The following ACOT13 variants were observed in gnomAD, a reference collection of about 807,000 sequenced individuals.
ACOT13 encodes the protein acyl-coenzyme A thioesterase 13.
ACOT13 carries 10 observed loss-of-function variants against 11.8 expected under a neutral mutation model. The ratio of observed to expected loss-of-function variants is 0.85; its 90% CI spans 0.53 to 1.44. The LOEUF is 1.44. ACOT13 is among the 40% of genes most tolerant of loss of function. The pLI, the probability that ACOT13 is intolerant of heterozygous loss-of-function variation, is 0.00. For synonymous variants in ACOT13, 53 were observed against 61.0 expected (o/e 0.87, Z 0.61); for missense variants, 172 against 174.1 (o/e 0.99, Z 0.07).
intron 1 of ACOT13, among the ~76,000 whole-genome samples, chr6:24,697,108 T>C (rs1227050915): frequency 1.3e-5 from 2 of 152,234 alleles, no homozygotes; most frequent in African/African-American, 4.8e-5. Flanking sequence ...TTGTTGCATA[T>C]GTTTATCTTT....
chr6:24,672,641 A>G (rs1442620640), intron 1 of ACOT13, among the ~76,000 whole-genome samples: 1 of 152,180 alleles, frequency 6.6e-6, no homozygotes, highest in East Asian at 1.9e-4. Context: ...CTCCATCTCA[A>G]AAAAAGAAAA....
In ACOT13 at chr6:24,705,014, A is replaced by G. The variant is rs1047332817; in HGVS notation, c.*3399A>G. ...TTACTCCAAAGGAGTAGGATCATTC[A>G]GATTTACTCCAATAAAAGTATGCAA... On this transcript the variant is annotated 3_prime_UTR_variant, in exon 3 of 3. Coordinates refer to ENST00000230048, the MANE Select transcript of ACOT13 (RefSeq NM_018473.4). 22 of 151,946 alleles carry G rather than the reference A, an allele frequency of 1.4e-4. No homozygotes were observed. Among genetic ancestry groups the G allele is most frequent in the African/African-American group, 5.3e-4 (22 of 41,270 alleles). The allele number at this position is 151,946 out of a possible 1,614,324, so 9.4% of individuals were successfully genotyped here.
At chr6:24,681,244 A>G (rs1350246324) in intron 1 of ACOT13, among the ~76,000 whole-genome samples, 1 of 152,218 alleles carries the variant, frequency 6.6e-6, no homozygotes, top group Non-Finnish European at 1.5e-5. Context: ...GTTTCCTCTA[A>G]AAGTTACTTT....
At chr6:24,690,221 G>A (rs12207801) in intron 1 of ACOT13, among the ~76,000 whole-genome samples, 5,145 of 152,052 alleles carry the variant, frequency 0.034, 143 homozygotes, top group Middle Eastern at 0.12. Context: ...GGGAACTACC[G>A]TACTAGATTC....
At chr6:24,690,672 A>C (rs1000232698) in intron 1 of ACOT13, among the ~76,000 whole-genome samples, 6 of 152,224 alleles carry the variant, frequency 3.9e-5, no homozygotes, top group South Asian at 4.1e-4. Context: ...CCTTCAGGGA[A>C]TATTTAATTT....
intron 2 of ACOT13, chr6:24,700,807 C>A (rs1778880061): frequency 6.6e-6 from 1 of 152,070 alleles, no homozygotes; most frequent in Non-Finnish European, 1.5e-5. Flanking sequence ...AAATACATAT[C>A]CTTTTTAAAG....
chr6:24,673,912 T>C (rs958337429), intron 1 of ACOT13, among the ~76,000 whole-genome samples: 4 of 152,306 alleles, frequency 2.6e-5, no homozygotes, highest in Non-Finnish European at 5.9e-5. Context: ...CATACAGTAT[T>C]CTTTCTCATG....
chr6:24,667,083 C>A lies in ACOT13; in HGVS notation c.-181C>A, dbSNP rs1309684990. ...CAAGGGTGCGAGGAAAGTCAGTGAG[C>A]AAATCGCGGACCACCGGGGCTGCCA... is the stretch of plus-strand genomic sequence containing the variant. On this transcript the variant is annotated 5_prime_UTR_variant, in exon 1 of 3. Coordinates refer to ENST00000230048, the MANE Select transcript of ACOT13 (RefSeq NM_018473.4). 2 of 849,430 alleles carry A rather than the reference C, an allele frequency of 2.4e-6. No individual in the cohort carries two copies. Among genetic ancestry groups the A allele is most frequent in the Non-Finnish European group, 1.8e-6 (1 of 559,620 alleles). The allele number at this position is 849,430 out of a possible 1,614,324, so 52.6% of individuals were successfully genotyped here.
intron 1 of ACOT13, among the ~76,000 whole-genome samples, chr6:24,676,116 G>A (rs1425726759): frequency 6.6e-6 from 1 of 152,196 alleles, no homozygotes; most frequent in Non-Finnish European, 1.5e-5. Context: ...ATGCTGTTTT[G>A]GTTACTGTAG....
chr6:24,695,916 G>C (rs1389561117), intron 1 of ACOT13, among the ~76,000 whole-genome samples: 1 of 152,074 alleles, frequency 6.6e-6, no homozygotes, highest in Non-Finnish European at 1.5e-5. Flanking sequence ...AAATTAGCTG[G>C]GTGTGGTGGC....
chr6:24,692,209 G>T (rs1289983895), intron 1 of ACOT13, among the ~76,000 whole-genome samples: 1 of 152,134 alleles, frequency 6.6e-6, no homozygotes. Flanking sequence ...TGGTGTCATG[G>T]GAGTTAAGGG....
chr6:24,684,488 T>C (rs191548630), intron 1 of ACOT13, among the ~76,000 whole-genome samples: 2 of 152,262 alleles, frequency 1.3e-5, no homozygotes, highest in Admixed American at 6.5e-5. Context: ...ATAAACTACA[T>C]CCTTGCCTAA....
At chr6:24,697,186 C>G (rs1778809574) in intron 1 of ACOT13, among the ~76,000 whole-genome samples, 1 of 152,186 alleles carries the variant, frequency 6.6e-6, no homozygotes, top group Non-Finnish European at 1.5e-5. Flanking sequence ...ACTTACTTTG[C>G]TGGATTTTAT....
At chr6:24,688,892 G>T (rs1019067504) in intron 1 of ACOT13, among the ~76,000 whole-genome samples, 4 of 152,110 alleles carry the variant, frequency 2.6e-5, no homozygotes, top group African/African-American at 9.7e-5. Context: ...TAGGTAAAAA[G>T]AACTGTAGAG....
At chr6:24,670,996 G>A (rs886064959) in intron 1 of ACOT13, among the ~76,000 whole-genome samples, 4 of 152,160 alleles carry the variant, frequency 2.6e-5, no homozygotes, top group South Asian at 2.1e-4. Flanking sequence ...GAATAGTTAC[G>A]TTTTTACACT....
intron 1 of ACOT13, among the ~76,000 whole-genome samples, chr6:24,689,682 G>T (rs1379238675): frequency 6.6e-6 from 1 of 152,080 alleles, no homozygotes; most frequent in East Asian, 1.9e-4. Context: ...TAGTAGGTAG[G>T]AAATTGTACT....
At chr6:24,683,099 C>T (rs1778579625) in intron 1 of ACOT13, among the ~76,000 whole-genome samples, 1 of 152,306 alleles carries the variant, frequency 6.6e-6, no homozygotes, top group Non-Finnish European at 1.5e-5. Flanking sequence ...TCCTGTCTGT[C>T]AGTTTGAGCC....
At chr6:24,675,518 T>TA (rs1220086262) in intron 1 of ACOT13, among the ~76,000 whole-genome samples, 2 of 152,394 alleles carry the variant, frequency 1.3e-5, no homozygotes, top group East Asian at 3.9e-4. Flanking sequence ...GTTGGCTGCA[T>TA]AAATGTCTTA....
At chr6:24,698,896 CA>C (rs1280321385) in intron 2 of ACOT13, among the ~76,000 whole-genome samples, 1 of 152,100 alleles carries the variant, frequency 6.6e-6, no homozygotes, top group East Asian at 1.9e-4. Flanking sequence ...CTCAGCCTCC[CA>C]AAGTGTTGAG....
Sources: allele counts gnomAD v4.1 joint callset (sites outside exome capture counted in the v4.1 genomes callset), GRCh38; gene constraint gnomAD v4.1.1; transcripts MANE v1.5; gene names NCBI Gene and HGNC (gene_info 2026-07-23, HGNC 2026-07-21).